The following AMBRA1 variants were observed in gnomAD, a reference collection of about 807,000 sequenced individuals.
The protein encoded by AMBRA1 is autophagy and beclin 1 regulator 1.
AMBRA1 carries 47 observed loss-of-function variants against 125.4 expected under a neutral mutation model. That is an observed-to-expected ratio of 0.37 (90% CI 0.30 to 0.48). The LOEUF is 0.48. Among genes scored for constraint, AMBRA1 ranks in the 20% least tolerant of loss-of-function variants. The probability of loss-of-function intolerance (pLI) is 0.99; values close to 1 mark genes in which losing one functional copy is unlikely to be tolerated. For synonymous variants in AMBRA1, 626 were observed against 655.5 expected, an observed-to-expected ratio of 0.95 and a Z score of 0.69; for missense variants, 1,331 against 1,693.4, an observed-to-expected ratio of 0.79 and a Z score of 3.76.
chr11:46,421,642 C>T (rs1266922150), intron 14 of AMBRA1, among the ~76,000 whole-genome samples: 1 of 152,208 alleles, frequency 6.6e-6, no homozygotes, highest in African/African-American at 2.4e-5. Flanking sequence ...GATGTAGTGT[C>T]TACCCCTTTC....
At chr11:46,417,706 TA>T (rs1347871398) in intron 15 of AMBRA1, among the ~76,000 whole-genome samples, 6 of 152,282 alleles carry the variant, frequency 3.9e-5, no homozygotes, top group African/African-American at 1.4e-4. Flanking sequence ...ACATGATCAC[TA>T]AATCAGTCTC....
At chr11:46,532,990 C>T (rs1201916690) in intron 7 of AMBRA1, among the ~76,000 whole-genome samples, 1 of 152,022 alleles carries the variant, frequency 6.6e-6, no homozygotes, top group Non-Finnish European at 1.5e-5. Flanking sequence ...TGGTGAAACC[C>T]TGTCTCTACT....
chr11:46,447,671 C>G (rs2136770582), intron 11 of AMBRA1, among the ~76,000 whole-genome samples: 3 of 152,130 alleles, frequency 2.0e-5, no homozygotes, highest in Middle Eastern at 6.8e-3. Flanking sequence ...GACTGCACCA[C>G]TGCACTACAG....
chr11:46,484,185 A>T (rs752612952), intron 11 of AMBRA1, among the ~76,000 whole-genome samples: 1 of 152,204 alleles, frequency 6.6e-6, no homozygotes, highest in Non-Finnish European at 1.5e-5. Context: ...GTAAAGAAAT[A>T]TAACAAAGAA....
chr11:46,551,849 GAA>G (rs1221389423), intron 1 of AMBRA1, among the ~76,000 whole-genome samples: 1 of 152,114 alleles, frequency 6.6e-6, no homozygotes, highest in Non-Finnish European at 1.5e-5. Flanking sequence ...TCAACATGGT[GAA>G]ACCCCATCTC....
intron 14 of AMBRA1, chr11:46,429,062 G>A: frequency 1.9e-6 from 3 of 1,610,690 alleles, no homozygotes; most frequent in South Asian, 2.2e-5. Flanking sequence ...CGGGTGCTTA[G>A]GCATGTGGAC....
At chr11:46,488,354 GCT>G (rs1950334119) in intron 11 of AMBRA1, among the ~76,000 whole-genome samples, 1 of 152,034 alleles carries the variant, frequency 6.6e-6, no homozygotes, top group Admixed American at 6.6e-5. Context: ...TACTCAGGAG[GCT>G]GAGGCAGGAG....
At chr11:46,585,375 C>CA (rs35012433) in intron 1 of AMBRA1, among the ~76,000 whole-genome samples, 6,082 of 139,452 alleles carry the variant, frequency 0.044, 167 homozygotes, top group Non-Finnish European at 0.064. Flanking sequence ...TAAATAATTC[C>CA]AAAAAAAAAA....
At position 46,432,228 on chromosome 11, in the gene AMBRA1, T is replaced by G. The variant is rs144597825; in HGVS notation, c.2976+1246A>C. ...CAGTTTGGTGTGACAAGTACTGACATGAGAATGTGTAAGAGGTACAATGAT... is the reference window on the plus strand; with the variant it reads ...CAGTTTGGTGTGACAAGTACTGACAGGAGAATGTGTAAGAGGTACAATGAT... On this transcript the variant is annotated intron_variant, in intron 14 of 17. Coordinates refer to ENST00000683756, the MANE Select transcript of AMBRA1 (RefSeq NM_001387011.1). Among the ~76,000 whole-genome samples the G allele has an allele frequency of 2.0e-4, 30 of 152,212 alleles. No individual in the cohort carries two copies. The East Asian group carries it at 4.4e-3, about 23-fold the overall frequency.
At chr11:46,461,859 A>T (rs985902213) in intron 11 of AMBRA1, among the ~76,000 whole-genome samples, 1 of 152,224 alleles carries the variant, frequency 6.6e-6, no homozygotes, top group Non-Finnish European at 1.5e-5. Context: ...CAGATGAAGC[A>T]TGCAAACACA....
intron 1 of AMBRA1, among the ~76,000 whole-genome samples, chr11:46,548,743 C>T (rs1031127884): frequency 2.0e-5 from 3 of 152,230 alleles, no homozygotes; most frequent in South Asian, 2.1e-4. Context: ...CTGTAATCCC[C>T]GAACTTTGGG....
At chr11:46,473,642 AG>A (rs1212185810) in intron 11 of AMBRA1, among the ~76,000 whole-genome samples, 1 of 152,198 alleles carries the variant, frequency 6.6e-6, no homozygotes, top group Admixed American at 6.5e-5. Flanking sequence ...GGATCCTTTA[AG>A]GATTCTTTTT....
At chr11:46,517,470 G>GT (rs768814141) in intron 7 of AMBRA1, among the ~76,000 whole-genome samples, 3,918 of 96,160 alleles carry the variant, frequency 0.041, 262 homozygotes, top group East Asian at 0.095. Context: ...TATTAATAAG[G>GT]TTTTTTTTTT....
At chr11:46,485,062 C>T (rs541534047) in intron 11 of AMBRA1, among the ~76,000 whole-genome samples, 13 of 152,044 alleles carry the variant, frequency 8.6e-5, no homozygotes, top group African/African-American at 2.7e-4. Flanking sequence ...CTTGGCCTCC[C>T]GAATAGCTGG....
At chr11:46,589,778 C>T (rs1239179912) in intron 1 of AMBRA1, among the ~76,000 whole-genome samples, 1 of 151,866 alleles carries the variant, frequency 6.6e-6, no homozygotes, top group Non-Finnish European at 1.5e-5. Context: ...CACCACCATT[C>T]CCCGCTAATT....
intron 14 of AMBRA1, among the ~76,000 whole-genome samples, chr11:46,427,682 G>A (rs1411784938): frequency 6.6e-6 from 1 of 152,188 alleles, no homozygotes; most frequent in Non-Finnish European, 1.5e-5. Flanking sequence ...GAACTGCTGT[G>A]CAATCAGATT....
chr11:46,523,497 G>A (rs980067852), intron 7 of AMBRA1, among the ~76,000 whole-genome samples: 1 of 152,166 alleles, frequency 6.6e-6, no homozygotes, highest in Admixed American at 6.5e-5. Flanking sequence ...ACTACCCTGA[G>A]GAGGATTAAC....
chr11:46,557,467 A>C (rs1453750224), intron 1 of AMBRA1, among the ~76,000 whole-genome samples: 2 of 152,182 alleles, frequency 1.3e-5, no homozygotes, highest in African/African-American at 2.4e-5. Flanking sequence ...GAGGTCTCCA[A>C]ACCATTTCAT....
chr11:46,532,798 A>C (rs1952277756), intron 7 of AMBRA1, among the ~76,000 whole-genome samples: 1 of 152,232 alleles, frequency 6.6e-6, no homozygotes. Context: ...GGAAATAAGA[A>C]ATACTTTATA....
Sources: allele counts gnomAD v4.1 joint callset (sites outside exome capture counted in the v4.1 genomes callset), GRCh38; gene constraint gnomAD v4.1.1; transcripts MANE v1.5; gene names NCBI Gene and HGNC (gene_info 2026-07-23, HGNC 2026-07-21).